Variants in ZC3H12B observed in about 807,000 individuals in gnomAD.
ZC3H12B encodes the protein zinc finger CCCH-type containing 12B.
ZC3H12B carries 7 observed loss-of-function variants against 43.9 expected under a neutral mutation model. That is an observed-to-expected ratio of 0.16 (90% CI 0.09 to 0.30). ZC3H12B has a LOEUF of 0.30. Among genes scored for constraint, ZC3H12B ranks in the 10% least tolerant of loss-of-function variants. ZC3H12B has a pLI of 1.00. For synonymous variants in ZC3H12B, 222 were observed against 241.7 expected, an observed-to-expected ratio of 0.92 and a Z score of 0.76; for missense variants, 475 against 670.2, an observed-to-expected ratio of 0.71 and a Z score of 3.22.
chrX:65,112,686 A>G, the ZC3H12B span, among the ~76,000 whole-genome samples: 1 of 111,933 alleles, frequency 8.9e-6, no homozygotes, highest in Admixed American at 9.5e-5. Context: ...TGGTGTACTG[A>G]ATATTTTAAG....
intron 3 of ZC3H12B, among the ~76,000 whole-genome samples, chrX:65,399,209 G>A (rs756709635): frequency 3.6e-5 from 4 of 112,250 alleles, no homozygotes; most frequent in African/African-American, 9.7e-5. Context: ...GTTTTGCACA[G>A]CAAAGAAAAC....
the ZC3H12B span, among the ~76,000 whole-genome samples, chrX:65,054,369 C>T: frequency 9.6e-6 from 1 of 104,184 alleles, no homozygotes; most frequent in African/African-American, 3.4e-5. Flanking sequence ...ATAGGGAATC[C>T]TTTCCCCATT....
intron 3 of ZC3H12B, among the ~76,000 whole-genome samples, chrX:65,457,605 C>A (rs1271148935): frequency 1.2e-5 from 1 of 80,626 alleles, no homozygotes; most frequent in African/African-American, 1.3e-4. Context: ...ATGACAATGG[C>A]GGTTTTGTGG....
chrX:65,385,524 G>T (rs183922200), intron 2 of ZC3H12B, among the ~76,000 whole-genome samples: 1 of 112,286 alleles, frequency 8.9e-6, no homozygotes, highest in African/African-American at 3.2e-5. Flanking sequence ...TGCTGAAGTT[G>T]CATATCAGCT....
At chrX:65,307,540 T>C in the ZC3H12B span, among the ~76,000 whole-genome samples, 1 of 111,269 alleles carries the variant, frequency 9.0e-6, no homozygotes, top group African/African-American at 3.3e-5. Context: ...TTAGTGAAAA[T>C]AAACAACCAG....
At chrX:65,162,247 G>C in the ZC3H12B span, among the ~76,000 whole-genome samples, 1 of 110,757 alleles carries the variant, frequency 9.0e-6, no homozygotes, top group Non-Finnish European at 1.9e-5. Context: ...TATGTGTCTT[G>C]GAGTTGCTCT....
chrX:65,297,256 C>T, the ZC3H12B span, among the ~76,000 whole-genome samples: 4 of 110,892 alleles, frequency 3.6e-5, no homozygotes, highest in Non-Finnish European at 7.6e-5. Flanking sequence ...ACCCTAAAGA[C>T]TCATCCAAAA....
At chrX:65,116,034 C>A in the ZC3H12B span, among the ~76,000 whole-genome samples, 1 of 111,545 alleles carries the variant, frequency 9.0e-6, no homozygotes, top group Non-Finnish European at 1.9e-5. Flanking sequence ...TTTTACTGTG[C>A]AGAAGCTTTT....
chrX:65,497,009 G>T, intron 1 of ZC3H12B, 123 bp from the exon 7 acceptor site: 2 of 498,820 alleles, frequency 4.0e-6, no homozygotes, highest in Non-Finnish European at 6.0e-6. Flanking sequence ...AAGAAAGAGA[G>T]AAAGAAAGAA....
At chrX:65,232,127 G>A in the ZC3H12B span, among the ~76,000 whole-genome samples, 1 of 110,669 alleles carries the variant, frequency 9.0e-6, no homozygotes, top group African/African-American at 3.3e-5. Context: ...TGTAGTCCCA[G>A]CTACTTGGGA....
intron 3 of ZC3H12B, among the ~76,000 whole-genome samples, chrX:65,407,784 C>T (rs1261843391): frequency 8.8e-6 from 1 of 113,419 alleles, no homozygotes; most frequent in East Asian, 2.8e-4. Flanking sequence ...TGGAGCACTG[C>T]CCCCGCGCAC....
chrX:65,257,083 T>C, the ZC3H12B span, among the ~76,000 whole-genome samples: 6 of 111,992 alleles, frequency 5.4e-5, no homozygotes, highest in African/African-American at 1.6e-4. Flanking sequence ...TACCATTTGA[T>C]CCAGCCATCC....
At chrX:65,227,940 A>C in the ZC3H12B span, among the ~76,000 whole-genome samples, 1 of 111,925 alleles carries the variant, frequency 8.9e-6, no homozygotes, top group African/African-American at 3.3e-5. Context: ...TCACAGCCGA[A>C]TTCTACCAGA....
the ZC3H12B span, among the ~76,000 whole-genome samples, chrX:65,156,223 G>A: frequency 9.1e-6 from 1 of 110,478 alleles, no homozygotes; most frequent in Non-Finnish European, 1.9e-5. Context: ...ACAGGGTCTT[G>A]CTGTGTCACC....
At chrX:65,089,224 T>G in the ZC3H12B span, among the ~76,000 whole-genome samples, 1 of 111,519 alleles carries the variant, frequency 9.0e-6, no homozygotes, top group East Asian at 2.8e-4. Context: ...CATCATAGAA[T>G]GTACTTACGC....
At chrX:65,230,060 T>A in the ZC3H12B span, among the ~76,000 whole-genome samples, 9 of 111,062 alleles carry the variant, frequency 8.1e-5, no homozygotes, top group South Asian at 3.9e-4. Context: ...ACTATAAATC[T>A]TGCTGCTATA....
At chrX:65,364,468 C>A (rs1041707173), upstream of ZC3H12B, among the ~76,000 whole-genome samples, 1 of 108,799 alleles carries the variant, frequency 9.2e-6, no homozygotes, top group Non-Finnish European at 1.9e-5. Flanking sequence ...GGCATCAGAT[C>A]CCATCACTCA....
the ZC3H12B span, among the ~76,000 whole-genome samples, chrX:65,165,505 C>G: frequency 1.4e-4 from 16 of 111,931 alleles, no homozygotes; most frequent in African/African-American, 3.9e-4. Flanking sequence ...GTTCAGCTCC[C>G]AATTTTGAGT....
intron 3 of ZC3H12B, among the ~76,000 whole-genome samples, chrX:65,418,184 A>G (rs1434086652): frequency 8.9e-6 from 1 of 111,789 alleles, no homozygotes; most frequent in Non-Finnish European, 1.9e-5. Context: ...TCAAGTTGAG[A>G]GAATGCTACC....
Sources: allele counts gnomAD v4.1 joint callset (sites outside exome capture counted in the v4.1 genomes callset), GRCh38; gene constraint gnomAD v4.1.1; transcripts MANE v1.5; gene names NCBI Gene and HGNC (gene_info 2026-07-23, HGNC 2026-07-21).